The following NUBP1 variants were observed in gnomAD, a reference collection of about 807,000 sequenced individuals.
The protein encoded by NUBP1 is cytosolic Fe-S cluster assembly factor NUBP1.
Under a neutral mutation model 41.8 loss-of-function variants are expected in NUBP1, and 46 were observed. The ratio of observed to expected loss-of-function variants is 1.10; its 90% CI spans 0.87 to 1.41. The LOEUF is 1.41. Ranked by LOEUF, NUBP1 falls within the 40% of genes most tolerant of loss-of-function variation. NUBP1 has a pLI of 0.00. For missense variants in NUBP1, 494 were observed against 414.0 expected (o/e 1.19, Z -1.68); for synonymous variants, 189 against 154.6 (o/e 1.22, Z -1.65).
intron 4 of NUBP1, among the ~76,000 whole-genome samples, chr16:10,753,627 G>A (rs1900423615): frequency 6.6e-6 from 1 of 152,086 alleles, no homozygotes; most frequent in Non-Finnish European, 1.5e-5. Flanking sequence ...TGGTGAACAA[G>A]GTCCATGAAG....
chr16:10,761,307 A>G lies in NUBP1; in HGVS notation c.607-57A>G, dbSNP rs551882281. 3.8e-5 allele frequency: 58 copies of G among 1,524,184 alleles called. No individual in the cohort carries two copies. In the African/African-American group the frequency reaches 5.9e-4, roughly 15 times the overall value. The allele number at this position is 1,524,184 out of a possible 1,614,324, so 94.4% of individuals were successfully genotyped here. A position where few individuals can be genotyped will look rare whatever the true frequency, so the allele number is the denominator to read the frequency against. ...ATTGCAGCCATCCCCTCGGTTGCAC[A>G]GACATTCCCTTTCTCGCACTTTGAT... is the stretch of plus-strand genomic sequence containing the variant. On this transcript the variant is annotated intron_variant, in intron 7 of 10. Transcript: ENST00000283027.
intron 2 of NUBP1, among the ~76,000 whole-genome samples, chr16:10,745,922 A>G (rs1258951434): frequency 6.6e-6 from 1 of 152,212 alleles, no homozygotes; most frequent in Admixed American, 6.5e-5. Context: ...GGAAGGAGTT[A>G]GACTGAGGTT....
At chr16:10,745,981 CA>C (rs1451162214) in intron 2 of NUBP1, among the ~76,000 whole-genome samples, 5 of 152,188 alleles carry the variant, frequency 3.3e-5, no homozygotes, top group Non-Finnish European at 4.4e-5. Flanking sequence ...GGAGGATACT[CA>C]TCTTCAAAGA....
At position 10,767,840 on chromosome 16, in the gene NUBP1, C is replaced by T. The variant is rs1343763325; in HGVS notation, c.821-109C>T. The T allele has an allele frequency of 7.1e-6, 7 of 987,734 alleles. No homozygotes were observed. Among genetic ancestry groups the T allele is most frequent in the South Asian group, 4.1e-5 (3 of 73,624 alleles). The allele number at this position is 987,734 out of a possible 1,614,324, so 61.2% of individuals were successfully genotyped here. Reference sequence around the variant, plus strand: ...ACTTTGTTCTTCATTACGAGTGAAGCGGGCTCAAGATCTTCCCATTGTCAC... The same window carrying T: ...ACTTTGTTCTTCATTACGAGTGAAGTGGGCTCAAGATCTTCCCATTGTCAC... On this transcript the variant is annotated intron_variant, in intron 9 of 10. Transcript: ENST00000283027. This position sits in a 1 kb window ranked among gnomAD's most constrained non-coding sequence, Gnocchi z 4.6.
At chr16:10,764,409 G>A (rs1046940896) in intron 9 of NUBP1, among the ~76,000 whole-genome samples, 1 of 150,086 alleles carries the variant, frequency 6.7e-6, no homozygotes, top group Non-Finnish European at 1.5e-5. Flanking sequence ...TGGAGTATTT[G>A]TCTATTGGAG....
intron 4 of NUBP1, among the ~76,000 whole-genome samples, chr16:10,755,361 C>T (rs1900502089): frequency 6.6e-6 from 1 of 152,172 alleles, no homozygotes. Flanking sequence ...TTTACAAAAG[C>T]CACCTCATTG....
In NUBP1 at chr16:10,761,139, C is replaced by T. The variant is rs141160501; in HGVS notation, c.607-225C>T. 9.4e-4 allele frequency: 402 copies of T among 429,530 alleles called. 1 individual carries two copies. Among genetic ancestry groups the T allele is most frequent in the African/African-American group, 7.6e-3 (379 of 49,792 alleles). 26.6% of individuals were successfully genotyped at this position (429,530 alleles called of 1,614,324 possible). A position where few individuals can be genotyped will look rare whatever the true frequency, so the allele number is the denominator to read the frequency against. On this transcript the variant is annotated intron_variant, in intron 7 of 10. Coordinates refer to ENST00000283027, the MANE Select transcript of NUBP1 (RefSeq NM_002484.4). ...GGGGAAACTGCCCCCATGATCCAATCACCTCCCACCAGGAACTGCCTGTTC... is the reference window on the plus strand; with the variant it reads ...GGGGAAACTGCCCCCATGATCCAATTACCTCCCACCAGGAACTGCCTGTTC...
chr16:10,761,609 C>G, intron 8 of NUBP1, 135 bp downstream of exon 8: 2 of 982,120 alleles, frequency 2.0e-6, no homozygotes, highest in Non-Finnish European at 1.5e-6. Context: ...AAATCCCTTT[C>G]TGCTGACTAA....
At chr16:10,746,857 C>T (rs769880284) in intron 2 of NUBP1, among the ~76,000 whole-genome samples, 4 of 152,202 alleles carry the variant, frequency 2.6e-5, no homozygotes, top group Non-Finnish European at 4.4e-5. Context: ...GCTGGGAATA[C>T]AGCACTGAAA....
rs372473597 is a variant in NUBP1 at position 10,755,819 on chromosome 16, T to C, written c.360+66T>C. The stretch of plus-strand genomic sequence containing the variant: ...TGGTTGTGTGTACATAATGGGTTTG[T>C]GGTTTGTTGGTCCATAGGTATTTAT... On this transcript the variant is annotated intron_variant, in intron 5 of 10. Transcript: ENST00000283027. 87 of 1,477,914 alleles carry C rather than the reference T, an allele frequency of 5.9e-5. No homozygotes were observed. The African/African-American group carries it at 1.0e-3, about 18-fold the overall frequency. The allele number at this position is 1,477,914 out of a possible 1,614,324, so 91.6% of individuals were successfully genotyped here. A position where few individuals can be genotyped will look rare whatever the true frequency, so the allele number is the denominator to read the frequency against.
intron 4 of NUBP1, 25 bp downstream of exon 4, chr16:10,752,703 G>C: frequency 6.2e-7 from 1 of 1,601,224 alleles, no homozygotes; most frequent in Non-Finnish European, 8.6e-7. Context: ...CAGAACTCAG[G>C]AAATTATTCT....
In NUBP1 at chr16:10,768,776, A is replaced by G; in HGVS notation, c.905-271A>G. ...TGGCTGGGTTTTACTTGCCTAGAAG[A>G]ATGATGTCAAGGGTAAGGAAACAGC... On this transcript the variant is annotated intron_variant, in intron 10 of 10. Transcript: ENST00000283027. The surrounding 1 kb of genome is among the most constrained non-coding windows in gnomAD (Gnocchi z 4.3). 2 of 367,646 alleles carry G rather than the reference A, an allele frequency of 5.4e-6. No individual in the cohort carries two copies. Among genetic ancestry groups the G allele is most frequent in the Non-Finnish European group, 9.7e-6 (2 of 205,516 alleles). The allele number at this position is 367,646 out of a possible 1,614,324, so 22.8% of individuals were successfully genotyped here.
chr16:10,758,175 CGT>C, intron 7 of NUBP1, 148 bp downstream of exon 7: 2 of 919,114 alleles, frequency 2.2e-6, no homozygotes, highest in East Asian at 2.7e-5. Context: ...GCAGAAACCT[CGT>C]GTTAAAAACT....
At chr16:10,751,538 C>T (rs1900320327) in intron 3 of NUBP1, among the ~76,000 whole-genome samples, 1 of 152,140 alleles carries the variant, frequency 6.6e-6, no homozygotes. Flanking sequence ...GAAACTAATT[C>T]AGGGCAAGTT....
At chr16:10,748,151 A>G (rs1900147882) in intron 3 of NUBP1, among the ~76,000 whole-genome samples, 1 of 152,046 alleles carries the variant, frequency 6.6e-6, no homozygotes, top group Non-Finnish European at 1.5e-5. Flanking sequence ...AGGTTTTGCC[A>G]TGTTGCCCAG....
intron 2 of NUBP1, among the ~76,000 whole-genome samples, chr16:10,746,541 G>A (rs1900072114): frequency 6.6e-6 from 1 of 152,176 alleles, no homozygotes; most frequent in South Asian, 2.1e-4. Context: ...GGAAGTTCGA[G>A]ACTAGCCTGG....
rs1427832164 is a variant in NUBP1, at chr16:10,762,016, G to C, written c.820+157G>C. ...CCACCCTCCAGCTGGCACCCCAAGA[G>C]GCCACCGGGAGAGAGGCCGAGACCC... On this transcript the variant is annotated intron_variant, in intron 9 of 10. Coordinates refer to ENST00000283027, the MANE Select transcript of NUBP1 (RefSeq NM_002484.4). 5 of 598,030 alleles carry C rather than the reference G, an allele frequency of 8.4e-6. No homozygotes were observed. The East Asian group carries it at 1.4e-4, about 17-fold the overall frequency. 37.0% of individuals were successfully genotyped at this position (598,030 alleles called of 1,614,324 possible).
In NUBP1 at chr16:10,757,842, G is replaced by A. The variant is rs1900661591; in HGVS notation, c.452-31G>A. On this transcript the variant is annotated intron_variant, in intron 6 of 10. Coordinates refer to ENST00000283027, the MANE Select transcript of NUBP1 (RefSeq NM_002484.4). This position sits in a 1 kb window ranked among gnomAD's most constrained non-coding sequence, Gnocchi z 4.1. The stretch of plus-strand genomic sequence containing the variant: ...TGAAAGTACAGAAAAGAAAGGAAAA[G>A]TAAGCATCCCCTGTGGATTCCTCTT... 2 of 1,599,552 alleles carry A rather than the reference G, an allele frequency of 1.3e-6. No individual in the cohort carries two copies. Among genetic ancestry groups the A allele is most frequent in the African/African-American group, 1.3e-5 (1 of 74,622 alleles).
intron 9 of NUBP1, 47 bp downstream of exon 9, chr16:10,761,906 C>G: frequency 6.8e-7 from 1 of 1,470,072 alleles, no homozygotes; most frequent in Non-Finnish European, 9.5e-7. Context: ...CGGTCAGCCC[C>G]ACAGGCACGG....
Sources: gnomAD v4.1 joint callset for allele counts (sites outside exome capture counted in the v4.1 genomes callset) on GRCh38, gnomAD v4.1.1 for gene constraint, Gnocchi (gnomAD v3.1) non-coding constraint, MANE v1.5 for transcripts, NCBI Gene and HGNC (gene_info 2026-07-23, HGNC 2026-07-21) for gene names.